EPB41L5: variants seen among roughly 807,000 people sequenced by gnomAD.
The protein encoded by EPB41L5 is band 4.1-like protein 5.
Under a neutral mutation model 106.6 loss-of-function variants are expected in EPB41L5, and 55 were observed. The observed-to-expected ratio is 0.52, with a 90% CI of 0.42 to 0.65. The LOEUF is 0.65. Ranked by LOEUF, EPB41L5 falls within the 30% of genes least tolerant of loss-of-function variation. The pLI, the probability that EPB41L5 is intolerant of heterozygous loss-of-function variation, is 0.00. For missense variants in EPB41L5, 871 were observed against 882.1 expected (o/e 0.99, Z 0.16); for synonymous variants, 297 against 306.7 (o/e 0.97, Z 0.33).
At chr2:120,087,594 G>C (rs1330870499) in intron 11 of EPB41L5, among the ~76,000 whole-genome samples, 1 of 152,110 alleles carries the variant, frequency 6.6e-6, no homozygotes, top group East Asian at 1.9e-4. Context: ...TGATCCTCCT[G>C]CTCACTCAGC....
At chr2:120,088,886 C>T (rs1683234875) in intron 11 of EPB41L5, among the ~76,000 whole-genome samples, 1 of 152,092 alleles carries the variant, frequency 6.6e-6, no homozygotes, top group Non-Finnish European at 1.5e-5. Flanking sequence ...TATGAAATGC[C>T]TACTCAAATC....
intron 3 of EPB41L5, 58 bp from the exon 4 acceptor site, chr2:120,073,120 C>T (rs903178977): frequency 3.4e-6 from 5 of 1,456,742 alleles, no homozygotes; most frequent in Non-Finnish European, 1.9e-6. Flanking sequence ...TTTAGTAATT[C>T]ATTCAAATTT....
At chr2:120,091,398 A>G (rs143137053) in intron 12 of EPB41L5, among the ~76,000 whole-genome samples, 157 bp from the exon 13 acceptor site, 30 of 152,334 alleles carry the variant, frequency 2.0e-4, no homozygotes, top group Non-Finnish European at 3.8e-4. Flanking sequence ...AAAGAATGAT[A>G]TGGTAAAGAG....
At chr2:120,084,020 A>G (rs1574625624) in intron 10 of EPB41L5, among the ~76,000 whole-genome samples, 1 of 152,140 alleles carries the variant, frequency 6.6e-6, no homozygotes, top group East Asian at 1.9e-4. Flanking sequence ...GGTCTCCTGA[A>G]TACAGCACAC....
chr2:120,062,238 G>GA, intron 3 of EPB41L5, among the ~76,000 whole-genome samples: 1 of 152,242 alleles, frequency 6.6e-6, no homozygotes, highest in East Asian at 1.9e-4. Context: ...AGTGGGAGGT[G>GA]AAAAACATAG....
At chr2:120,028,556 T>TG (rs1194124852) in intron 2 of EPB41L5, among the ~76,000 whole-genome samples, 1 of 151,992 alleles carries the variant, frequency 6.6e-6, no homozygotes, top group Admixed American at 6.6e-5. Flanking sequence ...ATAGGTTTAA[T>TG]TTAGAGGTGA....
At chr2:120,115,754 T>C (rs1390705547) in intron 16 of EPB41L5, among the ~76,000 whole-genome samples, 2 of 152,150 alleles carry the variant, frequency 1.3e-5, no homozygotes, top group African/African-American at 2.4e-5. Context: ...CATTTTATGT[T>C]ATGTTGTGAT....
intron 16 of EPB41L5, among the ~76,000 whole-genome samples, chr2:120,123,126 T>A (rs527877644): frequency 6.6e-6 from 1 of 152,252 alleles, no homozygotes; most frequent in African/African-American, 2.4e-5. Context: ...TTCTAATTCT[T>A]CCCTTCATTG....
intron 16 of EPB41L5, chr2:120,105,010 G>A (rs1684367355): frequency 1.0e-6 from 1 of 984,686 alleles, no homozygotes; most frequent in Admixed American, 6.2e-5. Flanking sequence ...TCATTTGACT[G>A]GCTTTTCTCT....
intron 16 of EPB41L5, among the ~76,000 whole-genome samples, chr2:120,111,726 C>T (rs1341152028): frequency 1.3e-5 from 2 of 152,128 alleles, no homozygotes; most frequent in African/African-American, 4.8e-5. Flanking sequence ...CCTTGCTCCT[C>T]TACTGTCTGG....
chr2:120,167,551 AG>A, intron 23 of EPB41L5, 44 bp downstream of exon 23: 1 of 1,585,360 alleles, frequency 6.3e-7, no homozygotes, highest in East Asian at 2.2e-5. Context: ...CTACCCTTTC[AG>A]GGTAAGGCCT....
chr2:120,157,718 G>A lies in EPB41L5; in HGVS notation c.1794-3163G>A, dbSNP rs532225294. 7.4e-5 allele frequency among the ~76,000 whole-genome samples: 11 copies of A among 148,142 alleles called. No individual in the cohort carries two copies. The South Asian group carries it at 1.1e-3, about 14-fold the overall frequency. On this transcript the variant is annotated intron_variant, in intron 20 of 24. Coordinates refer to ENST00000263713, the MANE Select transcript of EPB41L5 (RefSeq NM_020909.4). ...TGGGAGGCGGAGGTTGCAGTGAGCCGAGATTGCAGCACTGCACTCCAACCT... is the reference window on the plus strand; with the variant it reads ...TGGGAGGCGGAGGTTGCAGTGAGCCAAGATTGCAGCACTGCACTCCAACCT...
At chr2:120,168,435 A>G (rs1687515599) in intron 24 of EPB41L5, among the ~76,000 whole-genome samples, 1 of 152,166 alleles carries the variant, frequency 6.6e-6, no homozygotes, top group Non-Finnish European at 1.5e-5. Flanking sequence ...TTACCAATAC[A>G]TGTTGTGAGC....
At chr2:120,044,263 TTTTC>T (rs1679621017) in intron 3 of EPB41L5, among the ~76,000 whole-genome samples, 1 of 152,170 alleles carries the variant, frequency 6.6e-6, no homozygotes, top group Non-Finnish European at 1.5e-5. Flanking sequence ...TTTCTTTTAT[TTTTC>T]TTTCTAATGT....
At chr2:120,081,829 C>T (rs1175141477) in intron 10 of EPB41L5, among the ~76,000 whole-genome samples, 1 of 152,098 alleles carries the variant, frequency 6.6e-6, no homozygotes, top group African/African-American at 2.4e-5. Context: ...CTTCACATCC[C>T]TTGTAAGTTG....
intron 16 of EPB41L5, among the ~76,000 whole-genome samples, chr2:120,102,831 A>G (rs1278499051): frequency 6.6e-6 from 1 of 152,224 alleles, no homozygotes; most frequent in East Asian, 1.9e-4. Flanking sequence ...GAAACAATTC[A>G]TGTATTGTAA....
chr2:120,127,922 C>A, intron 17 of EPB41L5, 71 bp downstream of exon 17: 1 of 1,335,438 alleles, frequency 7.5e-7, no homozygotes. Flanking sequence ...TTTAAATCAG[C>A]TTCTCCAATA....
rs541698682 is a variant in EPB41L5, at chr2:120,178,903, T to C, written c.*3996T>C. 1 of 152,378 alleles carries C rather than the reference T, an allele frequency of 6.6e-6. No individual in the cohort carries two copies. The highest frequency in any genetic ancestry group is 2.4e-5 in the African/African-American group (1 of 41,598). The allele number at this position is 152,378 out of a possible 1,614,324, so 9.4% of individuals were successfully genotyped here. On this transcript the variant is annotated 3_prime_UTR_variant, in exon 25 of 25. Transcript: ENST00000263713. ...CTTATCTGGATATGATAAGTGGTTATGAGGGTCTCACTAACTATTTTGTGT... is the reference window on the plus strand; with the variant it reads ...CTTATCTGGATATGATAAGTGGTTACGAGGGTCTCACTAACTATTTTGTGT...
chr2:120,150,666 T>G (rs1487281466), intron 20 of EPB41L5, among the ~76,000 whole-genome samples: 7 of 152,090 alleles, frequency 4.6e-5, no homozygotes, highest in Non-Finnish European at 8.8e-5. Flanking sequence ...TATTTCTTTT[T>G]TTTTTCTAAT....
Sources: allele counts gnomAD v4.1 joint callset (sites outside exome capture counted in the v4.1 genomes callset), GRCh38; gene constraint gnomAD v4.1.1; transcripts MANE v1.5; gene names NCBI Gene and HGNC (gene_info 2026-07-23, HGNC 2026-07-21).